The following NEK3 variants were observed in gnomAD, a reference collection of about 807,000 sequenced individuals.
NEK3 encodes the protein NIMA related kinase 3.
A neutral mutation model predicts 66.0 loss-of-function variants in NEK3; 54 were observed. The ratio of observed to expected loss-of-function variants is 0.82; its 90% CI spans 0.66 to 1.03. The LOEUF (loss-of-function observed/expected upper bound fraction) is 1.03. NEK3 is among the 50% of genes least tolerant of loss of function. The pLI is 0.00. For missense variants in NEK3, 593 were observed against 603.0 expected, an observed-to-expected ratio of 0.98 and a Z score of 0.17; for synonymous variants, 200 against 206.2, an observed-to-expected ratio of 0.97 and a Z score of 0.26.
At chr13:52,152,572 C>CA in intron 5 of NEK3, 37 bp downstream of exon 5, 1 of 1,085,526 alleles carries the variant, frequency 9.2e-7, no homozygotes, top group Non-Finnish European at 1.3e-6. Context: ...GAATTAAGGA[C>CA]TTTTTTTTTT....
intron 4 of NEK3, among the ~76,000 whole-genome samples, chr13:52,153,645 C>T (rs1956365377): frequency 6.6e-6 from 1 of 152,048 alleles, no homozygotes; most frequent in Admixed American, 6.6e-5. Context: ...GTGATACGAT[C>T]TTGAAATTAT....
At chr13:52,139,784 A>G (rs1181117500) in intron 11 of NEK3, among the ~76,000 whole-genome samples, 2 of 152,096 alleles carry the variant, frequency 1.3e-5, no homozygotes, top group South Asian at 4.1e-4. Flanking sequence ...CTGTGGTCCC[A>G]GCTAACCAGG....
chr13:52,158,750 C>G (rs1956416903), intron 1 of NEK3, among the ~76,000 whole-genome samples: 1 of 152,136 alleles, frequency 6.6e-6, no homozygotes, highest in Non-Finnish European at 1.5e-5. Flanking sequence ...TTGCAAATAC[C>G]CAGAAGTGGG....
intron 5 of NEK3, among the ~76,000 whole-genome samples, 185 bp downstream of exon 5, chr13:52,152,424 A>G (rs1397704567): frequency 1.3e-5 from 2 of 152,212 alleles, no homozygotes; most frequent in African/African-American, 2.4e-5. Context: ...ATAAACATAC[A>G]TAATTTTTGT....
In NEK3 at chr13:52,148,458, G is replaced by A. The variant is rs539178089; in HGVS notation, c.560C>T (p.Ser187Phe). The A allele has an allele frequency of 3.8e-5, 62 of 1,613,476 alleles. No individual in the cohort carries two copies. In the South Asian group the frequency reaches 6.4e-4, roughly 17 times the overall value. The change falls in exon 8 of 16, where the codon TCC (serine) becomes TTC (phenylalanine). Residue 187 changes from serine to phenylalanine, a missense_variant. Coordinates refer to ENST00000610828, the MANE Select transcript of NEK3 (RefSeq NM_002498.3). Reference sequence around the variant, plus strand: ...GAGTTCATACAGGATGCAACCCAAGGACCAGATGTCACTGAAAGCATAAAG... The same window carrying A: ...GAGTTCATACAGGATGCAACCCAAGAACCAGATGTCACTGAAAGCATAAAG... The part of the protein sequence containing the change: ...LPYNNKSDIW[S>F]LGCILYELCT...
intron 1 of NEK3, among the ~76,000 whole-genome samples, chr13:52,158,664 C>T (rs1290427727): frequency 6.6e-6 from 1 of 152,198 alleles, no homozygotes; most frequent in Admixed American, 6.5e-5. Context: ...GACCTGAATA[C>T]ACTCTGGACA....
intron 2 of NEK3, 23 bp downstream of exon 2, chr13:52,156,052 G>C: frequency 6.9e-7 from 1 of 1,451,378 alleles, no homozygotes; most frequent in African/African-American, 1.4e-5. Flanking sequence ...CTTTCAAAGT[G>C]AGCTAATTTC....
chr13:52,151,155 T>C lies in NEK3; in HGVS notation c.539A>G (p.Asn180Ser), dbSNP rs777098272. Residue 180 changes from asparagine to serine, a missense_variant, in exon 7 of 16, where the codon AAC becomes AGC. Transcript: ENST00000610828. ...AATATGCAGCACTCACCTTTTATTG[T>C]TATAAGGCAGGTTTTCCCAAATTTC... Reference protein sequence around the residue: ...PPEIWENLPYNNKSDIWSLGC... With the variant: ...PPEIWENLPYSNKSDIWSLGC... 2 of 1,606,964 alleles carry C rather than the reference T, an allele frequency of 1.2e-6. No individual in the cohort carries two copies. Among genetic ancestry groups the C allele is most frequent in the Non-Finnish European group, 1.7e-6 (2 of 1,176,694 alleles).
At chr13:52,145,584 A>G (rs560480783) in intron 8 of NEK3, among the ~76,000 whole-genome samples, 7 of 152,230 alleles carry the variant, frequency 4.6e-5, no homozygotes, top group African/African-American at 1.7e-4. Context: ...AAGTGCTGAG[A>G]TTACACGCAT....
At chr13:52,138,912 C>CAG (rs144734519) in intron 11 of NEK3, among the ~76,000 whole-genome samples, 3,147 of 148,036 alleles carry the variant, frequency 0.021, 87 homozygotes, top group Admixed American at 0.085. Flanking sequence ...GCCTAGACAA[C>CAG]AGAGAGAGAG....
chr13:52,136,846 T>G lies in NEK3; in HGVS notation c.984A>C (p.Glu328Asp). ...GSHTDLESIN[E>D]NLVESALRRV... ...TTCTCAATGCACTTTCAACTAAATT[T>G]TCATTAATGCTTTCCAAATCAGTAT... The change falls in exon 12 of 16, where the codon GAA becomes GAC. Residue 328 changes from glutamate (E) to aspartate (D), a missense_variant. By Grantham distance (45) the Glu-to-Asp change is conservative. Transcript: ENST00000610828. The G allele has an allele frequency of 6.4e-7, 1 of 1,574,142 alleles. No homozygotes were observed. The highest frequency in any genetic ancestry group is 8.6e-7 in the Non-Finnish European group (1 of 1,158,236).
intron 10 of NEK3, among the ~76,000 whole-genome samples, chr13:52,141,788 A>G (rs1956252009): frequency 6.6e-6 from 1 of 152,020 alleles, no homozygotes; most frequent in South Asian, 2.1e-4. Context: ...CTGTAACACT[A>G]TACTTTTTTG....
Position 52,157,870 on chromosome 13 carries a change from G to GCTTA in NEK3, c.-57-1626_-57-1623dup, listed in dbSNP as rs1956407976. ...ATGAATTTACTTGATTTTTCAAAAAGCTTACAGTGTTTGTTTTTTATTTTG... is the reference window on the plus strand; with the variant it reads ...ATGAATTTACTTGATTTTTCAAAAAGCTTACTTACAGTGTTTGTTTTTTATTTTG... On this transcript the variant is annotated intron_variant, in intron 1 of 15. Transcript: ENST00000610828. 2.0e-5 allele frequency among the ~76,000 whole-genome samples: 3 copies of GCTTA among 152,190 alleles called. No homozygotes were observed. In the South Asian group the frequency reaches 6.2e-4, roughly 31 times the overall value.
chr13:52,156,218 C>T lies in NEK3; in HGVS notation c.-27G>A. 7.2e-7 allele frequency: 1 copy of T among 1,389,564 alleles called. No homozygotes were observed. The highest frequency in any genetic ancestry group is 1.4e-5 in the African/African-American group (1 of 70,398). 86.1% of individuals were successfully genotyped at this position (1,389,564 alleles called of 1,614,324 possible). A position where few individuals can be genotyped will look rare whatever the true frequency, so the allele number is the denominator to read the frequency against. On this transcript the variant is annotated 5_prime_UTR_variant, in exon 2 of 16. Coordinates refer to ENST00000610828, the MANE Select transcript of NEK3 (RefSeq NM_002498.3). ...CTGGGGCATCCACACAGCTGGGCTCCACTCACGCAGTCACCATGGGCTCTC... is the reference window on the plus strand; with the variant it reads ...CTGGGGCATCCACACAGCTGGGCTCTACTCACGCAGTCACCATGGGCTCTC...
At chr13:52,153,101 T>C (rs17404248) in intron 4 of NEK3, among the ~76,000 whole-genome samples, 2,372 of 152,252 alleles carry the variant, frequency 0.016, 72 homozygotes, top group Admixed American at 0.081. Context: ...TCAAAAGATT[T>C]CATTATATCA....
At chr13:52,145,107 A>G (rs981255920) in intron 8 of NEK3, among the ~76,000 whole-genome samples, 4 of 152,180 alleles carry the variant, frequency 2.6e-5, no homozygotes, top group African/African-American at 9.7e-5. Context: ...TAGAAAAAGT[A>G]TTTCCATCAA....
At chr13:52,141,672 C>G (rs1956251114) in intron 10 of NEK3, among the ~76,000 whole-genome samples, 1 of 152,162 alleles carries the variant, frequency 6.6e-6, no homozygotes, top group Non-Finnish European at 1.5e-5. Context: ...CTGCCCTGTT[C>G]CATTTCATTA....
intron 10 of NEK3, 59 bp downstream of exon 10, chr13:52,143,854 TTC>T: frequency 2.4e-6 from 2 of 823,082 alleles, no homozygotes; most frequent in Non-Finnish European, 3.9e-6. Flanking sequence ...TACATTTCTT[TTC>T]TGTTACAGTA....
intron 4 of NEK3, among the ~76,000 whole-genome samples, chr13:52,153,508 C>A (rs1956364460): frequency 6.6e-6 from 1 of 152,080 alleles, no homozygotes; most frequent in South Asian, 2.1e-4. Flanking sequence ...AGAATAGGTA[C>A]TCCCAAGAAA....
Sources: allele counts gnomAD v4.1 joint callset (sites outside exome capture counted in the v4.1 genomes callset), GRCh38; gene constraint gnomAD v4.1.1; transcripts MANE v1.5; gene names NCBI Gene and HGNC (gene_info 2026-07-23, HGNC 2026-07-21).